Variants in CMTR1 observed in about 807,000 individuals in gnomAD.
CMTR1 encodes the protein cap-specific mRNA (nucleoside-2'-O-)-methyltransferase 1.
CMTR1 carries 39 observed loss-of-function variants against 107.0 expected under a neutral mutation model. The observed-to-expected ratio is 0.36, with a 90% CI of 0.28 to 0.48. CMTR1 has a LOEUF of 0.48. CMTR1 is among the 20% of genes least tolerant of loss of function. CMTR1 has a pLI of 0.99. For missense variants in CMTR1, 672 were observed against 1,064.9 expected (o/e 0.63, Z 5.14); for synonymous variants, 366 against 379.5 (o/e 0.96, Z 0.41).
intron 13 of CMTR1, among the ~76,000 whole-genome samples, chr6:37,469,958 G>A (rs1460246175): frequency 2.0e-5 from 3 of 148,648 alleles, no homozygotes; most frequent in South Asian, 2.1e-4. Context: ...TTATGTTTCA[G>A]TTTGGGTTTC....
rs1159709450 is a variant in CMTR1 at position 37,481,223 on chromosome 6, G to T, written c.*1078G>T. ...GGGGAGCTGGGCAGTAGCTTGGGGT[G>T]GGGGTGGGCACCTGTGGTTGTTTTT... On this transcript the variant is annotated 3_prime_UTR_variant, in exon 24 of 24. Coordinates refer to ENST00000373451, the MANE Select transcript of CMTR1 (RefSeq NM_015050.3). 5.4e-6 allele frequency: 7 copies of T among 1,296,694 alleles called. No individual in the cohort carries two copies. Among genetic ancestry groups the T allele is most frequent in the Non-Finnish European group, 7.1e-6 (7 of 985,002 alleles). The allele number at this position is 1,296,694 out of a possible 1,614,324, so 80.3% of individuals were successfully genotyped here. A position where few individuals can be genotyped will look rare whatever the true frequency, so the allele number is the denominator to read the frequency against.
At position 37,480,592 on chromosome 6, in the gene CMTR1, G is replaced by A. The variant is rs188399280; in HGVS notation, c.*447G>A. 4.2e-5 allele frequency: 43 copies of A among 1,033,978 alleles called. No homozygotes were observed. The East Asian group carries it at 3.7e-3, about 88-fold the overall frequency. The allele number at this position is 1,033,978 out of a possible 1,614,324, so 64.1% of individuals were successfully genotyped here. ...TTATTGGGCCATCCCTGAGTGGGTG[G>A]AGACCTGCTGTCATGAGCTGGCCAG... On this transcript the variant is annotated 3_prime_UTR_variant, in exon 24 of 24. Coordinates refer to ENST00000373451, the MANE Select transcript of CMTR1 (RefSeq NM_015050.3).
chr6:37,462,626 G>T (rs1457476916), intron 12 of CMTR1, among the ~76,000 whole-genome samples: 2 of 152,210 alleles, frequency 1.3e-5, no homozygotes, highest in Non-Finnish European at 2.9e-5. Flanking sequence ...GAACTACTGC[G>T]ATAGAGAGTA....
chr6:37,451,969 A>C, intron 6 of CMTR1, 92 bp downstream of exon 6: 17 of 1,039,084 alleles, frequency 1.6e-5, no homozygotes, highest in Non-Finnish European at 2.5e-5. Context: ...GGTTGTGGGA[A>C]GCTAAAGTTA....
chr6:37,453,071 G>C lies in CMTR1; in HGVS notation c.634G>C (p.Glu212Gln). The C allele has an allele frequency of 6.2e-7, 1 of 1,614,108 alleles. No homozygotes were observed. Among genetic ancestry groups the C allele is most frequent in the Non-Finnish European group, 8.5e-7 (1 of 1,180,010 alleles). ...GAGCGTGTTTGATGTCTTGGATGGG[G>C]AAGAGATGCGGCGAGCTCGGACTCG... Reference protein sequence around the residue: ...CKSVFDVLDGEEMRRARTRAN... With the variant: ...CKSVFDVLDGQEMRRARTRAN... Residue 212 changes from glutamate (E) to glutamine (Q), a missense_variant, in exon 7 of 24, where the codon GAA (glutamate) becomes CAA (glutamine). By Grantham distance (29) the Glu-to-Gln change is conservative (BLOSUM62 2). Around this residue, in one of 2 missense-constraint regions of CMTR1, gnomAD observed 583 missense variants for 968.4 expected, o/e 0.60. Coordinates refer to ENST00000373451, the MANE Select transcript of CMTR1 (RefSeq NM_015050.3).
the CMTR1 span, among the ~76,000 whole-genome samples, chr6:37,425,721 CTT>C: frequency 3.3e-5 from 5 of 152,234 alleles, no homozygotes; most frequent in Admixed American, 1.3e-4. Flanking sequence ...AAGATTCTCT[CTT>C]TGTCTTTCTA....
At chr6:37,476,809 G>A (rs900684515) in intron 20 of CMTR1, among the ~76,000 whole-genome samples, 4 of 152,162 alleles carry the variant, frequency 2.6e-5, no homozygotes, top group African/African-American at 9.7e-5. Context: ...TGGAGACTGA[G>A]GTATCTATTT....
chr6:37,472,354 T>C lies in CMTR1; in HGVS notation c.1621-65T>C, dbSNP rs374830958. ...TGACCCTATCTCCTCCACCTGCATA[T>C]ACTCATACACGGTCTTGGTCAAAAG... On this transcript the variant is annotated intron_variant, in intron 15 of 23. Transcript: ENST00000373451. The surrounding 1 kb of genome is among the most constrained non-coding windows in gnomAD (Gnocchi z 4.1). 2.1e-5 allele frequency: 31 copies of C among 1,452,114 alleles called. No homozygotes were observed. The Middle Eastern group carries it at 5.3e-4, about 25-fold the overall frequency. 90.0% of individuals were successfully genotyped at this position (1,452,114 alleles called of 1,614,324 possible).
chr6:37,437,386 G>C (rs1293292345), intron 2 of CMTR1, among the ~76,000 whole-genome samples: 1 of 151,802 alleles, frequency 6.6e-6, no homozygotes, highest in Non-Finnish European at 1.5e-5. Flanking sequence ...AAGTAGCCGG[G>C]CGTGGTGGCA....
chr6:37,471,139 C>G (rs896103987), intron 14 of CMTR1, 62 bp downstream of exon 14: 5 of 1,430,670 alleles, frequency 3.5e-6, no homozygotes, highest in East Asian at 2.3e-5. Context: ...TTTTCCTCCC[C>G]ACAAGCTGTT....
Position 37,481,251 on chromosome 6 carries a change from T to A in CMTR1, c.*1106T>A, listed in dbSNP as rs1403282292. On this transcript the variant is annotated 3_prime_UTR_variant, in exon 24 of 24. Transcript: ENST00000373451. ...GGTGGGCACCTGTGGTTGTTTTTAA[T>A]GGGAAATACCTCTCAGAGATGTTCA... 7.8e-7 allele frequency: 1 copy of A among 1,289,078 alleles called. No individual in the cohort carries two copies. Among genetic ancestry groups the A allele is most frequent in the Non-Finnish European group, 1.0e-6 (1 of 983,758 alleles). The allele number at this position is 1,289,078 out of a possible 1,614,324, so 79.9% of individuals were successfully genotyped here. A position where few individuals can be genotyped will look rare whatever the true frequency, so the allele number is the denominator to read the frequency against.
intron 13 of CMTR1, among the ~76,000 whole-genome samples, chr6:37,470,341 T>C (rs1761599455): frequency 6.6e-6 from 1 of 151,902 alleles, no homozygotes; most frequent in South Asian, 2.1e-4. Context: ...AGAGACGGGG[T>C]TTCACCGTGT....
At chr6:37,478,327 G>T in intron 21 of CMTR1, 82 bp from the exon 22 acceptor site, 1 of 1,054,764 alleles carries the variant, frequency 9.5e-7, no homozygotes. Flanking sequence ...TACTGCAGTT[G>T]GGGTGATTTT....
intron 14 of CMTR1, 120 bp downstream of exon 14, chr6:37,471,197 A>T: frequency 1.2e-6 from 1 of 824,330 alleles, no homozygotes; most frequent in African/African-American, 1.7e-5. Flanking sequence ...CTTTTTTCTC[A>T]TACTCTGCTA....
In CMTR1 at chr6:37,478,397, C is replaced by A; in HGVS notation, c.2154-12C>A. The A allele has an allele frequency of 6.2e-7, 1 of 1,608,378 alleles. No homozygotes were observed. Among genetic ancestry groups the A allele is most frequent in the South Asian group, 1.1e-5 (1 of 90,934 alleles). On this transcript the variant is annotated splice_polypyrimidine_tract_variant and intron_variant, in intron 21 of 23. Coordinates refer to ENST00000373451, the MANE Select transcript of CMTR1 (RefSeq NM_015050.3). ...TTTCTCTCTCATGCACGTACCTTCTCGGGGAAATCAGGTTGGAGATGAAGA... is the reference window on the plus strand; with the variant it reads ...TTTCTCTCTCATGCACGTACCTTCTAGGGGAAATCAGGTTGGAGATGAAGA...
chr6:37,481,382 G>T lies in CMTR1; in HGVS notation c.*1237G>T. 8.4e-7 allele frequency: 1 copy of T among 1,187,132 alleles called. No homozygotes were observed. The highest frequency in any genetic ancestry group is 1.1e-6 in the Non-Finnish European group (1 of 941,904). 73.5% of individuals were successfully genotyped at this position (1,187,132 alleles called of 1,614,324 possible). ...TCGACTTCACCATGGGGGTCCTTCAGCCAGCATCCAGCTCCCCACCCCCAG... is the reference window on the plus strand; with the variant it reads ...TCGACTTCACCATGGGGGTCCTTCATCCAGCATCCAGCTCCCCACCCCCAG... On this transcript the variant is annotated 3_prime_UTR_variant, in exon 24 of 24. Transcript: ENST00000373451.
At position 37,480,977 on chromosome 6, in the gene CMTR1, G is replaced by A. The variant is rs1701330893; in HGVS notation, c.*832G>A. The A allele has an allele frequency of 1.6e-6, 2 of 1,281,874 alleles. No individual in the cohort carries two copies. The highest frequency in any genetic ancestry group is 2.6e-5 in the South Asian group (2 of 77,488). The allele number at this position is 1,281,874 out of a possible 1,614,324, so 79.4% of individuals were successfully genotyped here. ...AGCAGGGGCCCCAGCAGTAACAAAGGGTACCTCCAGGGGTTTGGGTAGCGC... is the reference window on the plus strand; with the variant it reads ...AGCAGGGGCCCCAGCAGTAACAAAGAGTACCTCCAGGGGTTTGGGTAGCGC... On this transcript the variant is annotated 3_prime_UTR_variant, in exon 24 of 24. Coordinates refer to ENST00000373451, the MANE Select transcript of CMTR1 (RefSeq NM_015050.3).
chr6:37,461,917 C>A, intron 11 of CMTR1, 53 bp from the exon 12 acceptor site: 2 of 1,590,364 alleles, frequency 1.3e-6, no homozygotes, highest in Non-Finnish European at 1.7e-6. Flanking sequence ...CTACTTCACC[C>A]ATCTCTTGGA....
chr6:37,472,631 C>T lies in CMTR1; in HGVS notation c.1689+144C>T. On this transcript the variant is annotated intron_variant, in intron 16 of 23. Transcript: ENST00000373451. The surrounding 1 kb of genome is among the most constrained non-coding windows in gnomAD (Gnocchi z 4.1). The stretch of plus-strand genomic sequence containing the variant: ...GCTCTAAGGGGCGGAGCTAAGGCTG[C>T]CACAGGTGGGAACCTTTGGTATAGG... 5.1e-6 allele frequency: 4 copies of T among 779,780 alleles called. No individual in the cohort carries two copies. Among genetic ancestry groups the T allele is most frequent in the Admixed American group, 4.5e-5 (2 of 44,764 alleles). 48.3% of individuals were successfully genotyped at this position (779,780 alleles called of 1,614,324 possible). A position where few individuals can be genotyped will look rare whatever the true frequency, so the allele number is the denominator to read the frequency against.
Sources: gnomAD v4.1 joint callset for allele counts (sites outside exome capture counted in the v4.1 genomes callset) on GRCh38, gnomAD v4.1.1 for gene constraint, gnomAD v4.1.1 regional missense constraint, Gnocchi (gnomAD v3.1) non-coding constraint, MANE v1.5 for transcripts, NCBI Gene and HGNC (gene_info 2026-07-23, HGNC 2026-07-21) for gene names.